The following CDH12 variants were observed in gnomAD, a reference collection of about 807,000 sequenced individuals.
CDH12 encodes cadherin 12, also known as cadherin-12.
Under a neutral mutation model 74.1 loss-of-function variants are expected in CDH12, and 41 were observed. The ratio of observed to expected loss-of-function variants is 0.55; its 90% CI spans 0.43 to 0.72. The LOEUF (loss-of-function observed/expected upper bound fraction) is 0.72. Ranked by LOEUF, CDH12 falls within the 30% of genes least tolerant of loss-of-function variation. The pLI is 0.00. For missense variants in CDH12, 945 were observed against 977.2 expected (o/e 0.97, Z 0.44); for synonymous variants, 399 against 355.0 (o/e 1.12, Z -1.39).
intron 2 of CDH12, among the ~76,000 whole-genome samples, chr5:22,454,925 A>G (rs1745203510): frequency 6.6e-6 from 1 of 152,162 alleles, no homozygotes; most frequent in Non-Finnish European, 1.5e-5. Context: ...AGGAACACAA[A>G]CATTCAGATG....
At chr5:22,562,838 C>G (rs1412346898) in intron 1 of CDH12, among the ~76,000 whole-genome samples, 1 of 145,292 alleles carries the variant, frequency 6.9e-6, no homozygotes, top group African/African-American at 2.5e-5. Flanking sequence ...TTTGAAAAAT[C>G]TCATAAATGA....
rs190790051 is a variant in CDH12 at position 22,757,690 on chromosome 5, T to A, written c.-523+95368A>T. Reference sequence around the variant, plus strand: ...AACAATTCAATTTTAAAATGTATAATTCATTTGCAAGTTTTCTGATAATCC... The same window carrying A: ...AACAATTCAATTTTAAAATGTATAAATCATTTGCAAGTTTTCTGATAATCC... On this transcript the variant is annotated intron_variant, in intron 1 of 14. Transcript: ENST00000382254. Among the ~76,000 whole-genome samples the A allele has an allele frequency of 6.3e-3, 955 of 152,348 alleles. 7 individuals are homozygous for A. Among genetic ancestry groups the A allele is most frequent in the Middle Eastern group, 0.027 (8 of 294 alleles).
At chr5:22,703,931 G>T (rs914557470) in intron 1 of CDH12, among the ~76,000 whole-genome samples, 1 of 152,014 alleles carries the variant, frequency 6.6e-6, no homozygotes, top group Non-Finnish European at 1.5e-5. Context: ...AATAGTTAAG[G>T]TTAACATAAT....
chr5:22,262,862 C>T (rs1407004984), intron 3 of CDH12, among the ~76,000 whole-genome samples: 1 of 151,998 alleles, frequency 6.6e-6, no homozygotes, highest in East Asian at 1.9e-4. Flanking sequence ...TAAAGAGCTT[C>T]TGCACAGCAA....
intron 2 of CDH12, among the ~76,000 whole-genome samples, chr5:22,416,108 T>C (rs1443969920): frequency 4.7e-5 from 5 of 106,686 alleles, no homozygotes; most frequent in African/African-American, 7.4e-5. Flanking sequence ...GGAGTCTCGC[T>C]CTGTGGCCCA....
At chr5:22,790,653 A>C (rs981658513) in intron 1 of CDH12, among the ~76,000 whole-genome samples, 2 of 151,732 alleles carry the variant, frequency 1.3e-5, no homozygotes, top group African/African-American at 4.8e-5. Flanking sequence ...CTATATATAT[A>C]CTTTTTCATA....
At chr5:22,596,021 T>C (rs887625847) in intron 1 of CDH12, among the ~76,000 whole-genome samples, 41 of 151,398 alleles carry the variant, frequency 2.7e-4, no homozygotes, top group African/African-American at 9.2e-4. Flanking sequence ...GGTAGGAGAA[T>C]GGCACGAACC....
At chr5:22,363,607 G>A (rs1320741929) in intron 3 of CDH12, among the ~76,000 whole-genome samples, 1 of 152,124 alleles carries the variant, frequency 6.6e-6, no homozygotes, top group Non-Finnish European at 1.5e-5. Flanking sequence ...TTTCTCCAAT[G>A]ATATATGTCC....
At chr5:22,715,071 C>T (rs1039911231) in intron 1 of CDH12, among the ~76,000 whole-genome samples, 1 of 152,116 alleles carries the variant, frequency 6.6e-6, no homozygotes, top group Non-Finnish European at 1.5e-5. Flanking sequence ...CTTAACTTTG[C>T]CATCCTGCAC....
intron 1 of CDH12, among the ~76,000 whole-genome samples, chr5:22,760,870 CT>C (rs1746190800): frequency 6.6e-6 from 1 of 151,988 alleles, no homozygotes; most frequent in Admixed American, 6.6e-5. Context: ...TCCTATACGT[CT>C]GCAACACAAA....
intron 4 of CDH12, among the ~76,000 whole-genome samples, chr5:22,178,092 A>T (rs2150335006): frequency 6.6e-6 from 1 of 152,262 alleles, no homozygotes. Context: ...GAATACCAAG[A>T]TATTTATTAT....
intron 3 of CDH12, among the ~76,000 whole-genome samples, chr5:22,388,242 C>T (rs781613280): frequency 3.9e-5 from 6 of 152,026 alleles, no homozygotes; most frequent in Non-Finnish European, 8.8e-5. Context: ...AAATGAACTA[C>T]ACTACAGTAT....
chr5:21,878,801 G>GAAGA (rs56312463), intron 6 of CDH12, among the ~76,000 whole-genome samples: 55 of 138,784 alleles, frequency 4.0e-4, no homozygotes, highest in African/African-American at 1.5e-3. Context: ...AAGAAAGAAA[G>GAAGA]AAGAAAGAAA....
intron 3 of CDH12, among the ~76,000 whole-genome samples, chr5:22,375,527 A>C (rs1294269279): frequency 6.6e-6 from 1 of 152,178 alleles, no homozygotes; most frequent in Non-Finnish European, 1.5e-5. Flanking sequence ...AAGGGAGGAA[A>C]TATTTGCAAA....
intron 1 of CDH12, among the ~76,000 whole-genome samples, chr5:22,789,009 G>A (rs1013718230): frequency 3.3e-5 from 5 of 151,918 alleles, no homozygotes; most frequent in African/African-American, 7.2e-5. Context: ...TACATCTTGC[G>A]TGTGTATGTC....
At chr5:22,132,022 A>G (rs1419859194) in intron 4 of CDH12, among the ~76,000 whole-genome samples, 1 of 152,148 alleles carries the variant, frequency 6.6e-6, no homozygotes, top group Non-Finnish European at 1.5e-5. Flanking sequence ...GAGGGCCTGC[A>G]AAGTCTTTAT....
intron 6 of CDH12, among the ~76,000 whole-genome samples, chr5:21,891,215 GA>G (rs1752883208): frequency 6.6e-6 from 1 of 151,998 alleles, no homozygotes; most frequent in African/African-American, 2.4e-5. Context: ...AGTAGAACTA[GA>G]AAAAGATTAA....
intron 6 of CDH12, among the ~76,000 whole-genome samples, chr5:21,858,298 G>C (rs1750858760): frequency 6.6e-6 from 1 of 151,790 alleles, no homozygotes; most frequent in South Asian, 2.1e-4. Context: ...AACATAATGT[G>C]ATCTCAGTAA....
chr5:22,830,135 GGC>G (rs1263633852), intron 1 of CDH12, among the ~76,000 whole-genome samples: 2 of 152,188 alleles, frequency 1.3e-5, no homozygotes, highest in African/African-American at 4.8e-5. Flanking sequence ...GAATAAACCT[GGC>G]TAATTAATCT....
Sources: allele counts gnomAD v4.1 joint callset (sites outside exome capture counted in the v4.1 genomes callset), GRCh38; gene constraint gnomAD v4.1.1; transcripts MANE v1.5; gene names NCBI Gene and HGNC (gene_info 2026-07-23, HGNC 2026-07-21).